SUSD4: variants seen among roughly 807,000 people sequenced by gnomAD.
SUSD4 encodes the protein sushi domain containing 4, also known as sushi domain-containing protein 4.
A neutral mutation model predicts 50.5 loss-of-function variants in SUSD4; 41 were observed. That is an observed-to-expected ratio of 0.81 (90% CI 0.63 to 1.05). The LOEUF is 1.05. Among genes scored for constraint, SUSD4 ranks in the 50% least tolerant of loss-of-function variants. SUSD4 has a pLI of 0.00. For synonymous variants in SUSD4, 257 were observed against 257.3 expected, an observed-to-expected ratio of 1.00 and a Z score of 0.01; for missense variants, 580 against 634.7, an observed-to-expected ratio of 0.91 and a Z score of 0.93.
chr1:223,351,637 G>A (rs1039017916), intron 2 of SUSD4, among the ~76,000 whole-genome samples: 3 of 152,164 alleles, frequency 2.0e-5, no homozygotes, highest in African/African-American at 7.2e-5. Flanking sequence ...CCAGCTGGAG[G>A]AGAGGGCACA....
chr1:223,235,577 T>C (rs1266738272), intron 5 of SUSD4, among the ~76,000 whole-genome samples: 1 of 151,864 alleles, frequency 6.6e-6, no homozygotes, highest in African/African-American at 2.4e-5. Context: ...GTCATAGTTT[T>C]GCCTTTTCCA....
At chr1:223,284,566 T>C (rs1314323142) in intron 3 of SUSD4, among the ~76,000 whole-genome samples, 6 of 152,196 alleles carry the variant, frequency 3.9e-5, no homozygotes, top group Non-Finnish European at 8.8e-5. Context: ...AGCATGTTTA[T>C]TGCAGCACTA....
At chr1:223,353,515 G>T (rs535308561) in intron 2 of SUSD4, among the ~76,000 whole-genome samples, 2 of 152,274 alleles carry the variant, frequency 1.3e-5, no homozygotes, top group East Asian at 3.9e-4. Context: ...CCAATGAATG[G>T]CAAGGTTAAG....
intron 5 of SUSD4, among the ~76,000 whole-genome samples, chr1:223,250,236 C>A (rs1254165135): frequency 6.6e-6 from 1 of 152,062 alleles, no homozygotes; most frequent in Non-Finnish European, 1.5e-5. Context: ...GAAATAATAT[C>A]CGTAAATCAC....
intron 3 of SUSD4, among the ~76,000 whole-genome samples, chr1:223,277,770 T>C (rs886385269): frequency 2.6e-5 from 4 of 152,216 alleles, no homozygotes; most frequent in Admixed American, 2.6e-4. Context: ...AAAGCTCTTA[T>C]ATGGTTCAGT....
rs1174019156 is a variant in SUSD4, at chr1:223,335,779, G to A, written c.148+27499C>T. On this transcript the variant is annotated intron_variant, in intron 2 of 8. Coordinates refer to ENST00000366878, the MANE Select transcript of SUSD4 (RefSeq NM_017982.4). Reference sequence around the variant, plus strand: ...AAGATAACCAGGCAGCAAACCTAGCGAAGAGTCAGTCCCAACTGAGACGGT... The same window carrying A: ...AAGATAACCAGGCAGCAAACCTAGCAAAGAGTCAGTCCCAACTGAGACGGT... 5.3e-5 allele frequency among the ~76,000 whole-genome samples: 8 copies of A among 152,132 alleles called. No homozygotes were observed. The South Asian group carries it at 8.3e-4, about 16-fold the overall frequency.
chr1:223,320,873 A>G (rs1362974239), intron 2 of SUSD4, among the ~76,000 whole-genome samples: 1 of 152,192 alleles, frequency 6.6e-6, no homozygotes, highest in African/African-American at 2.4e-5. Context: ...TCCTTTTTGA[A>G]ACTAGTTAAA....
At chr1:223,320,945 G>C (rs1171004875) in intron 2 of SUSD4, among the ~76,000 whole-genome samples, 2 of 152,168 alleles carry the variant, frequency 1.3e-5, no homozygotes, top group Non-Finnish European at 2.9e-5. Flanking sequence ...TTTACTTCTT[G>C]CAAGTTTCAA....
chr1:223,266,672 T>G (rs1282350973), intron 4 of SUSD4, among the ~76,000 whole-genome samples: 3 of 152,236 alleles, frequency 2.0e-5, no homozygotes, highest in Non-Finnish European at 2.9e-5. Context: ...TAGTTCAATG[T>G]GATTTCCATT....
In SUSD4 at chr1:223,348,868, A is replaced by C. The variant is rs4661257; in HGVS notation, c.148+14410T>G. Among the ~76,000 whole-genome samples the C allele has an allele frequency of 7.3e-3, 1,104 of 152,160 alleles. 36 individuals are homozygous for C. The East Asian group carries it at 0.11, about 15-fold the overall frequency. ...AGATTCTGCTGAAAGCTACAAACCC[A>C]CTTCAGAGAAATGCATATACAAGTC... is the stretch of plus-strand genomic sequence containing the variant. On this transcript the variant is annotated intron_variant, in intron 2 of 8. Coordinates refer to ENST00000366878, the MANE Select transcript of SUSD4 (RefSeq NM_017982.4).
At chr1:223,222,693 T>C (rs1413645952) in intron 8 of SUSD4, among the ~76,000 whole-genome samples, 1 of 152,212 alleles carries the variant, frequency 6.6e-6, no homozygotes, top group Non-Finnish European at 1.5e-5. Context: ...ATCTGACACA[T>C]TTTCCTTATT....
At chr1:223,253,637 C>T (rs1661489653) in intron 5 of SUSD4, among the ~76,000 whole-genome samples, 1 of 152,238 alleles carries the variant, frequency 6.6e-6, no homozygotes, top group Admixed American at 6.5e-5. Flanking sequence ...AAAAAGGCCC[C>T]TGAAATGACT....
chr1:223,278,372 T>C (rs1215696951), intron 3 of SUSD4, among the ~76,000 whole-genome samples: 4 of 152,170 alleles, frequency 2.6e-5, no homozygotes, highest in Non-Finnish European at 5.9e-5. Flanking sequence ...ATCCTAATAC[T>C]GCGCTTCTCA....
At chr1:223,260,466 A>T (rs538324667) in intron 5 of SUSD4, among the ~76,000 whole-genome samples, 1 of 152,338 alleles carries the variant, frequency 6.6e-6, no homozygotes, top group Non-Finnish European at 1.5e-5. Context: ...GTGCACGCAC[A>T]TGAAAGAGAC....
chr1:223,271,823 A>T (rs1269706849), intron 3 of SUSD4, among the ~76,000 whole-genome samples: 1 of 152,234 alleles, frequency 6.6e-6, no homozygotes, highest in Non-Finnish European at 1.5e-5. Context: ...TTTCCACAGA[A>T]AAAAAGAATC....
intron 2 of SUSD4, among the ~76,000 whole-genome samples, chr1:223,298,161 T>C (rs1003907546): frequency 3.2e-4 from 49 of 151,818 alleles, no homozygotes; most frequent in African/African-American, 1.1e-3. Context: ...TTGGATTGGA[T>C]GGATGGATAA....
At chr1:223,357,300 T>C (rs1668719109) in intron 2 of SUSD4, among the ~76,000 whole-genome samples, 1 of 152,230 alleles carries the variant, frequency 6.6e-6, no homozygotes, top group African/African-American at 2.4e-5. Context: ...ACACAAGAGT[T>C]CCCTTCTCTC....
intron 2 of SUSD4, among the ~76,000 whole-genome samples, chr1:223,300,891 G>A (rs1265085205): frequency 1.3e-5 from 2 of 151,982 alleles, no homozygotes; most frequent in African/African-American, 4.8e-5. Flanking sequence ...GTCTCCCAGA[G>A]GAGGACACTG....
In SUSD4 at chr1:223,352,466, C is replaced by T. The variant is rs1203971095; in HGVS notation, c.148+10812G>A. On this transcript the variant is annotated intron_variant, in intron 2 of 8. Coordinates refer to ENST00000366878, the MANE Select transcript of SUSD4 (RefSeq NM_017982.4). ...ATTGCACAGACTGCACTTTAAGGAG[C>T]GCTTCCTCAAATCAGGCCCTGGCAT... 4.6e-5 allele frequency among the ~76,000 whole-genome samples: 7 copies of T among 152,202 alleles called. No homozygotes were observed. In the South Asian group the frequency reaches 6.2e-4, roughly 13 times the overall value.
Sources: allele counts gnomAD v4.1 joint callset (sites outside exome capture counted in the v4.1 genomes callset), GRCh38; gene constraint gnomAD v4.1.1; transcripts MANE v1.5; gene names NCBI Gene and HGNC (gene_info 2026-07-23, HGNC 2026-07-21).